The following PARD3B variants were observed in gnomAD, a reference collection of about 807,000 sequenced individuals.
PARD3B encodes the protein partitioning defective 3 homolog B.
Under a neutral mutation model 130.2 loss-of-function variants are expected in PARD3B, and 103 were observed. That is an observed-to-expected ratio of 0.79 (90% confidence interval 0.67 to 0.93). PARD3B has a LOEUF of 0.93. Among genes scored for constraint, PARD3B ranks in the 40% least tolerant of loss-of-function variants. The probability of loss-of-function intolerance (pLI) is 0.00; values close to 1 mark genes in which losing one functional copy is unlikely to be tolerated. For synonymous variants in PARD3B, 583 were observed against 553.2 expected (o/e 1.05, Z -0.76); for missense variants, 1,609 against 1,499.2 (o/e 1.07, Z -1.21).
In PARD3B at chr2:205,463,721, C is replaced by T. The variant is rs529413418; in HGVS notation, c.3044+23049C>T. Among the ~76,000 whole-genome samples, 3 of 152,306 alleles carry T rather than the reference C, an allele frequency of 2.0e-5. No homozygotes were observed. Among genetic ancestry groups the T allele is most frequent in the East Asian group, 3.9e-4 (2 of 5,192 alleles). ...AAAAATTATGTTTATAGGCCAGTCACTTGCACGCTGAGACTGAAATCCTGA... is the reference window on the plus strand; with the variant it reads ...AAAAATTATGTTTATAGGCCAGTCATTTGCACGCTGAGACTGAAATCCTGA... On this transcript the variant is annotated intron_variant, in intron 20 of 22. Transcript: ENST00000406610. This position sits in a 1 kb window ranked among gnomAD's most constrained non-coding sequence, Gnocchi z 4.8.
chr2:204,752,548 A>C (rs1168930845), intron 2 of PARD3B, among the ~76,000 whole-genome samples: 1 of 152,102 alleles, frequency 6.6e-6, no homozygotes, highest in African/African-American at 2.4e-5. Context: ...ACTTATTTTC[A>C]TTTTTGCCTT....
intron 2 of PARD3B, among the ~76,000 whole-genome samples, chr2:204,883,763 G>A (rs917612919): frequency 1.5e-5 from 2 of 135,882 alleles, no homozygotes; most frequent in Non-Finnish European, 3.1e-5. Context: ...TTTTTGAGAC[G>A]GAGTTTTGCT....
intron 1 of PARD3B, among the ~76,000 whole-genome samples, chr2:204,563,257 C>CTCTCTCTCTCTCTCTT (rs1553542030): frequency 2.6e-4 from 37 of 142,760 alleles, no homozygotes; most frequent in African/African-American, 9.7e-4. Flanking sequence ...CTCTCTCTCT[C>CTCTCTCTCTCTCTCTT]TCTCTCTCTT....
At chr2:204,986,127 G>A (rs1293201968) in intron 3 of PARD3B, among the ~76,000 whole-genome samples, 57 of 78,342 alleles carry the variant, frequency 7.3e-4, no homozygotes, top group African/African-American at 2.0e-3. Context: ...AAAAAAAAAA[G>A]AGCTTATCTG....
chr2:204,933,743 C>A (rs1688204045), intron 2 of PARD3B, among the ~76,000 whole-genome samples: 1 of 152,202 alleles, frequency 6.6e-6, no homozygotes, highest in South Asian at 2.1e-4. Context: ...CTACTTGGAT[C>A]TCTTGCCTCT....
At chr2:205,492,407 C>T (rs2049752413) in intron 20 of PARD3B, among the ~76,000 whole-genome samples, 1 of 152,046 alleles carries the variant, frequency 6.6e-6, no homozygotes, top group Admixed American at 6.6e-5. Flanking sequence ...TTGTTTTAAT[C>T]AACAAGATAA....
chr2:205,161,802 G>A (rs75976339), intron 11 of PARD3B, among the ~76,000 whole-genome samples: 3,798 of 152,198 alleles, frequency 0.025, 151 homozygotes, highest in African/African-American at 0.085. Flanking sequence ...TTTTCTCCTC[G>A]CCCTTCATAC....
At chr2:204,746,764 C>T (rs192538966) in intron 2 of PARD3B, among the ~76,000 whole-genome samples, 72 of 152,272 alleles carry the variant, frequency 4.7e-4, no homozygotes, top group Admixed American at 7.2e-4. Context: ...TGTCTGTTGG[C>T]TGCATAAATG....
chr2:205,464,158 C>T (rs1312329582), intron 20 of PARD3B, among the ~76,000 whole-genome samples: 1 of 152,112 alleles, frequency 6.6e-6, no homozygotes, highest in Admixed American at 6.5e-5. Context: ...ACATCTGGCT[C>T]TATCCTAGGT....
Position 205,230,723 on chromosome 2 carries a change from A to G in PARD3B, c.2141-15055A>G, listed in dbSNP as rs2038794016. 6.6e-6 allele frequency among the ~76,000 whole-genome samples: 1 copy of G among 152,134 alleles called. No homozygotes were observed. Among genetic ancestry groups the G allele is most frequent in the Non-Finnish European group, 1.5e-5 (1 of 68,008 alleles). On this transcript the variant is annotated intron_variant, in intron 15 of 22. Coordinates refer to ENST00000406610, the MANE Select transcript of PARD3B (RefSeq NM_001302769.2). The surrounding 1 kb of genome is among the most constrained non-coding windows in gnomAD (Gnocchi z 4.1). ...GACTTGCCCAGTAATTGCAGTCCTT[A>G]GGGCCTAGACTACCTTTCAAGTCTG...
chr2:204,787,285 C>T (rs1024492662), intron 2 of PARD3B, among the ~76,000 whole-genome samples: 7 of 152,050 alleles, frequency 4.6e-5, no homozygotes, highest in Admixed American at 1.3e-4. Flanking sequence ...ATGGTTTATC[C>T]TACCCCTCAC....
chr2:204,825,754 G>C (rs563728926), intron 2 of PARD3B, among the ~76,000 whole-genome samples: 5 of 152,144 alleles, frequency 3.3e-5, no homozygotes, highest in East Asian at 1.9e-4. Flanking sequence ...TCAATGGAGC[G>C]AGTTCTTGAA....
intron 22 of PARD3B, among the ~76,000 whole-genome samples, chr2:205,605,460 G>T (rs2054954581): frequency 6.6e-6 from 1 of 152,070 alleles, no homozygotes; most frequent in Non-Finnish European, 1.5e-5. Flanking sequence ...AGTTGTGTGT[G>T]TGTGTTTTGT....
At chr2:204,773,895 G>A (rs1400982905) in intron 2 of PARD3B, among the ~76,000 whole-genome samples, 4 of 151,924 alleles carry the variant, frequency 2.6e-5, no homozygotes, top group Admixed American at 6.6e-5. Context: ...AATGATTTTC[G>A]ATCTCACTTA....
chr2:205,107,471 A>G (rs2125583832), intron 5 of PARD3B, among the ~76,000 whole-genome samples: 1 of 152,358 alleles, frequency 6.6e-6, no homozygotes, highest in South Asian at 2.1e-4. Flanking sequence ...CCGACTTAGC[A>G]CAATGCTAAA....
intron 21 of PARD3B, among the ~76,000 whole-genome samples, chr2:205,517,528 C>CAACT (rs1295949919): frequency 6.6e-6 from 1 of 152,054 alleles, no homozygotes; most frequent in African/African-American, 2.4e-5. Context: ...TTCAAAAAAA[C>CAACT]AACTTCTGGA....
At chr2:205,295,489 G>A (rs1277701487) in intron 16 of PARD3B, among the ~76,000 whole-genome samples, 1 of 152,134 alleles carries the variant, frequency 6.6e-6, no homozygotes, top group Non-Finnish European at 1.5e-5. Context: ...GGCCATTGAT[G>A]TTATTGGAAT....
intron 22 of PARD3B, among the ~76,000 whole-genome samples, chr2:205,593,064 C>T (rs2054445033): frequency 2.0e-5 from 3 of 152,136 alleles, no homozygotes. Flanking sequence ...GTAAGATGGC[C>T]CTCTGGGTCA....
chr2:205,083,334 GAA>G (rs55665658), intron 4 of PARD3B, among the ~76,000 whole-genome samples: 4 of 140,056 alleles, frequency 2.9e-5, no homozygotes, highest in African/African-American at 7.9e-5. Context: ...TTTAAGAATA[GAA>G]AAAAAAAAAA....
Sources: allele counts gnomAD v4.1 joint callset (sites outside exome capture counted in the v4.1 genomes callset), GRCh38; gene constraint gnomAD v4.1.1; non-coding constraint Gnocchi (gnomAD v3.1); transcripts MANE v1.5; gene names NCBI Gene and HGNC (gene_info 2026-07-23, HGNC 2026-07-21).